SUSD4: variants seen among roughly 807,000 people sequenced by gnomAD.
SUSD4 encodes the protein sushi domain containing 4, also known as sushi domain-containing protein 4.
SUSD4 carries 41 observed loss-of-function variants against 50.5 expected under a neutral mutation model. The ratio of observed to expected loss-of-function variants is 0.81; its 90% CI spans 0.63 to 1.05. The LOEUF is 1.05. SUSD4 is among the 50% of genes least tolerant of loss of function. The probability of loss-of-function intolerance (pLI) is 0.00; values close to 1 mark genes in which losing one functional copy is unlikely to be tolerated. For missense variants in SUSD4, 580 were observed against 634.7 expected (o/e 0.91, Z 0.93); for synonymous variants, 257 against 257.3 (o/e 1.00, Z 0.01).
intron 5 of SUSD4, among the ~76,000 whole-genome samples, chr1:223,261,074 A>T (rs1263401266): frequency 2.6e-5 from 4 of 151,934 alleles, no homozygotes; most frequent in Admixed American, 1.3e-4. Flanking sequence ...GAGGCCAACA[A>T]CCTCTGCCTG....
chr1:223,338,912 A>G (rs890360389), intron 2 of SUSD4, among the ~76,000 whole-genome samples: 5 of 152,222 alleles, frequency 3.3e-5, no homozygotes, highest in African/African-American at 7.2e-5. Flanking sequence ...CCAGGAAAAA[A>G]TCTGAGCAGG....
intron 2 of SUSD4, among the ~76,000 whole-genome samples, chr1:223,347,166 T>C (rs1668079572): frequency 6.6e-6 from 1 of 152,146 alleles, no homozygotes; most frequent in Non-Finnish European, 1.5e-5. Context: ...AAATTGGGCA[T>C]CCATCCCTTC....
At chr1:223,280,821 C>G (rs1191681045) in intron 3 of SUSD4, among the ~76,000 whole-genome samples, 3 of 152,058 alleles carry the variant, frequency 2.0e-5, no homozygotes, top group African/African-American at 4.8e-5. Flanking sequence ...TTCCAAAATT[C>G]ACCACATAGT....
At chr1:223,282,394 C>T (rs1184757733) in intron 3 of SUSD4, among the ~76,000 whole-genome samples, 1 of 152,206 alleles carries the variant, frequency 6.6e-6, no homozygotes, top group Non-Finnish European at 1.5e-5. Flanking sequence ...AGCAAAGTCT[C>T]AGGATACAAA....
In SUSD4 at chr1:223,229,148, T is replaced by C; in HGVS notation, c.916+49A>G. On this transcript the variant is annotated intron_variant, in intron 6 of 8. Coordinates refer to ENST00000366878, the MANE Select transcript of SUSD4 (RefSeq NM_017982.4). The surrounding 1 kb of genome is among the most constrained non-coding windows in gnomAD (Gnocchi z 4.7). ...ATAACCACCACCCACTATGTGCAGA[T>C]GGTCCAAGGAGGGTCCATCTCCTCC... 1.3e-6 allele frequency: 2 copies of C among 1,534,716 alleles called. No homozygotes were observed. Among genetic ancestry groups the C allele is most frequent in the Non-Finnish European group, 1.8e-6 (2 of 1,125,834 alleles).
chr1:223,240,479 T>C (rs941077630), intron 5 of SUSD4, among the ~76,000 whole-genome samples: 1 of 152,314 alleles, frequency 6.6e-6, no homozygotes, highest in African/African-American at 2.4e-5. Flanking sequence ...TCTGGGTTTT[T>C]TTTTCAGTCT....
At chr1:223,316,833 G>A (rs907538275) in intron 2 of SUSD4, among the ~76,000 whole-genome samples, 8 of 152,230 alleles carry the variant, frequency 5.3e-5, no homozygotes, top group African/African-American at 1.4e-4. Context: ...CTGCACAACC[G>A]TCCCTAGAGG....
chr1:223,249,908 C>G lies in SUSD4; in HGVS notation c.724+14722G>C, dbSNP rs370855847. On this transcript the variant is annotated intron_variant, in intron 5 of 8. Coordinates refer to ENST00000366878, the MANE Select transcript of SUSD4 (RefSeq NM_017982.4). ...GAAAGGGAAAAGTCAGCTAGGAGAA[C>G]AGAATAGGAGAAAGTGTGAGGGTGA... Among the ~76,000 whole-genome samples the G allele has an allele frequency of 1.7e-4, 26 of 152,242 alleles. No homozygotes were observed. The South Asian group carries it at 5.2e-3, about 30-fold the overall frequency.
chr1:223,268,979 A>G (rs1313895637), intron 3 of SUSD4, among the ~76,000 whole-genome samples: 1 of 152,202 alleles, frequency 6.6e-6, no homozygotes, highest in African/African-American at 2.4e-5. Flanking sequence ...AATTTTGGAA[A>G]TAAGTGGAAA....
intron 2 of SUSD4, among the ~76,000 whole-genome samples, chr1:223,333,051 C>T (rs1480217358): frequency 5.3e-5 from 8 of 152,140 alleles, no homozygotes; most frequent in Admixed American, 1.3e-4. Context: ...TGGCCAAACT[C>T]TTTCCTTAGG....
intron 7 of SUSD4, among the ~76,000 whole-genome samples, chr1:223,225,946 T>G (rs1355055281): frequency 1.3e-5 from 2 of 152,224 alleles, no homozygotes; most frequent in Non-Finnish European, 2.9e-5. Flanking sequence ...GTCATGTATT[T>G]GAAGCCAACC....
At chr1:223,235,012 C>CTT (rs1429332385) in intron 5 of SUSD4, 1 of 1,611,202 alleles carries the variant, frequency 6.2e-7, no homozygotes, top group Non-Finnish European at 8.5e-7. Flanking sequence ...TGGGAGAGGA[C>CTT]TTTAACACAG....
intron 2 of SUSD4, among the ~76,000 whole-genome samples, chr1:223,360,575 C>T (rs1668919128): frequency 6.6e-6 from 1 of 152,164 alleles, no homozygotes; most frequent in Admixed American, 6.5e-5. Flanking sequence ...TAAGACAAAG[C>T]ATTTCATTTT....
At chr1:223,310,777 A>C (rs1665826896) in intron 2 of SUSD4, among the ~76,000 whole-genome samples, 1 of 152,266 alleles carries the variant, frequency 6.6e-6, no homozygotes, top group Non-Finnish European at 1.5e-5. Flanking sequence ...AGACTGTTAA[A>C]TTGAGGGTAG....
In SUSD4 at chr1:223,237,710, T is replaced by C. The variant is rs542682778; in HGVS notation, c.725-8322A>G. The stretch of plus-strand genomic sequence containing the variant: ...TGGGATAAATTCCACTTGGTCATGG[T>C]GTATAATTTTTTAACACTTTATTGG... On this transcript the variant is annotated intron_variant, in intron 5 of 8. Transcript: ENST00000366878. Among the ~76,000 whole-genome samples the C allele has an allele frequency of 3.3e-5, 5 of 152,126 alleles. No homozygotes were observed. The South Asian group carries it at 1.0e-3, about 32-fold the overall frequency.
chr1:223,300,141 GGCAGGGTCCTGGCCT>G (rs999993146), intron 2 of SUSD4, among the ~76,000 whole-genome samples: 3 of 152,070 alleles, frequency 2.0e-5, no homozygotes, highest in African/African-American at 7.2e-5. Context: ...GCAGACCAGG[GGCAGGGTCCTGGCCT>G]GCAGTACCCC....
intron 3 of SUSD4, among the ~76,000 whole-genome samples, chr1:223,284,087 A>C (rs28665966): frequency 6.8e-5 from 2 of 29,298 alleles, no homozygotes; most frequent in East Asian, 4.5e-3. Context: ...GTTGTGGGAT[A>C]GGGGGAGGGG....
chr1:223,336,700 A>G (rs949901654), intron 2 of SUSD4, among the ~76,000 whole-genome samples: 5 of 151,846 alleles, frequency 3.3e-5, no homozygotes, highest in African/African-American at 1.2e-4. Context: ...GAGAGCTTTA[A>G]TCCTTTTTTT....
rs1659586915 is a variant in SUSD4, at chr1:223,227,367, T to A, written c.1061+227A>T. 6.6e-6 allele frequency among the ~76,000 whole-genome samples: 1 copy of A among 152,084 alleles called. No individual in the cohort carries two copies. The highest frequency in any genetic ancestry group is 2.1e-4 in the South Asian group (1 of 4,818). On this transcript the variant is annotated intron_variant, in intron 7 of 8. Transcript: ENST00000366878. This position sits in a 1 kb window ranked among gnomAD's most constrained non-coding sequence, Gnocchi z 4.5. ...TCGCTAGCCCCCCATGATGCCCACC[T>A]GCAAATGGTCTACTGCAGGAAGGAG...
Sources: allele counts gnomAD v4.1 joint callset (sites outside exome capture counted in the v4.1 genomes callset), GRCh38; gene constraint gnomAD v4.1.1; non-coding constraint Gnocchi (gnomAD v3.1); transcripts MANE v1.5; gene names NCBI Gene and HGNC (gene_info 2026-07-23, HGNC 2026-07-21).